Variants in RMND1 observed in about 807,000 individuals in gnomAD.
RMND1 encodes required for meiotic nuclear division protein 1 homolog.
A neutral mutation model predicts 54.0 loss-of-function variants in RMND1; 41 were observed. The observed-to-expected ratio is 0.76, with a 90% CI of 0.59 to 0.98. The LOEUF (loss-of-function observed/expected upper bound fraction) is 0.98, where lower values mean the gene tolerates loss of function less well. Ranked by LOEUF, RMND1 falls within the 50% of genes least tolerant of loss-of-function variation. The pLI is 0.00. For synonymous variants in RMND1, 183 were observed against 181.7 expected, an observed-to-expected ratio of 1.01 and a Z score of -0.06; for missense variants, 457 against 532.0, an observed-to-expected ratio of 0.86 and a Z score of 1.39.
chr6:151,433,656 A>C (rs1388482146), intron 3 of RMND1, among the ~76,000 whole-genome samples: 1 of 152,146 alleles, frequency 6.6e-6, no homozygotes, highest in Non-Finnish European at 1.5e-5. Flanking sequence ...TAATAATGCA[A>C]TTTTAACATT....
chr6:151,430,416 C>A (rs936771186), intron 4 of RMND1, among the ~76,000 whole-genome samples: 1 of 152,154 alleles, frequency 6.6e-6, no homozygotes, highest in African/African-American at 2.4e-5. Context: ...GTTTGCCAAA[C>A]AAATAGCCAT....
intron 11 of RMND1, 129 bp downstream of exon 11, chr6:151,405,591 G>T: frequency 1.6e-6 from 1 of 631,308 alleles, no homozygotes. Flanking sequence ...TCCAAATAGA[G>T]TTAGTAATGA....
In RMND1 at chr6:151,449,060, C is replaced by CAAAAAA. The variant is rs71014585; in HGVS notation, c.-15+2950_-15+2955dup. 2.0e-3 allele frequency among the ~76,000 whole-genome samples: 37 copies of CAAAAAA among 18,678 alleles called. 9 individuals are homozygous for CAAAAAA. The highest frequency in any genetic ancestry group is 7.7e-3 in the African/African-American group (31 of 4,020). 12.3% of individuals were successfully genotyped at this position (18,678 alleles called of 152,430 possible). A position where few individuals can be genotyped will look rare whatever the true frequency, so the allele number is the denominator to read the frequency against. ...TGAGCAACAAAGCGAGACTCTGTCT[C>CAAAAAA]AAAAAAAAAAAAAAAAAAAAAAAAA... On this transcript the variant is annotated intron_variant, in intron 1 of 11. Coordinates refer to ENST00000444024, the MANE Select transcript of RMND1 (RefSeq NM_017909.4).
intron 4 of RMND1, among the ~76,000 whole-genome samples, chr6:151,430,425 A>G (rs1780419309): frequency 6.6e-6 from 1 of 152,220 alleles, no homozygotes; most frequent in African/African-American, 2.4e-5. Context: ...ACAAATAGCC[A>G]TTATTGTAAT....
chr6:151,418,434 A>C (rs1396556506), intron 9 of RMND1: 1 of 151,912 alleles, frequency 6.6e-6, no homozygotes, highest in Non-Finnish European at 1.5e-5. Context: ...AAAATTTAAT[A>C]TGTCCACACT....
intron 6 of RMND1, among the ~76,000 whole-genome samples, chr6:151,425,464 A>T (rs985057633): frequency 3.9e-5 from 6 of 152,174 alleles, no homozygotes; most frequent in Non-Finnish European, 8.8e-5. Flanking sequence ...ACACACACAC[A>T]CACAAGGGTC....
Position 151,421,406 on chromosome 6 carries a change from T to C in RMND1, c.1003-85A>G, listed in dbSNP as rs4870017. 795,956 of 817,018 alleles carry C rather than the reference T, an allele frequency of 0.97. 387,808 individuals carry two copies. Among genetic ancestry groups the C allele is most frequent in the East Asian group, 1 (38,628 of 38,632 alleles). The allele number at this position is 817,018 out of a possible 1,614,324, so 50.6% of individuals were successfully genotyped here. ...TAGGTCAACAGGGCAAAATCTGAAG[T>C]GGCATAATTTGGATCCTATGTAAAT... On this transcript the variant is annotated intron_variant, in intron 8 of 11. Coordinates refer to ENST00000444024, the MANE Select transcript of RMND1 (RefSeq NM_017909.4).
chr6:151,449,060 C>CAAA (rs71014585), intron 1 of RMND1, among the ~76,000 whole-genome samples: 729 of 18,666 alleles, frequency 0.039, 150 homozygotes, highest in African/African-American at 0.045. Flanking sequence ...GACTCTGTCT[C>CAAA]AAAAAAAAAA....
chr6:151,409,283 T>C (rs1464372625), intron 10 of RMND1, among the ~76,000 whole-genome samples: 3 of 152,192 alleles, frequency 2.0e-5, no homozygotes, highest in Non-Finnish European at 4.4e-5. Context: ...TCATACAGGC[T>C]TTCAATAAAT....
intron 1 of RMND1, among the ~76,000 whole-genome samples, chr6:151,450,123 G>A (rs1178758210): frequency 6.6e-6 from 1 of 151,782 alleles, no homozygotes; most frequent in Non-Finnish European, 1.5e-5. Flanking sequence ...TGGAAAGTGA[G>A]GAGCGTCTCT....
intron 9 of RMND1, 107 bp downstream of exon 9, chr6:151,421,138 A>G (rs986524644): frequency 1.3e-6 from 1 of 778,426 alleles, no homozygotes; most frequent in Non-Finnish European, 2.1e-6. Flanking sequence ...AAACAGCTAC[A>G]GTTCCCATAA....
chr6:151,420,966 T>C (rs1335227111), intron 9 of RMND1: 1 of 229,558 alleles, frequency 4.4e-6, no homozygotes, highest in Non-Finnish European at 8.5e-6. Context: ...GGAATATGTC[T>C]TTCTACCTTC....
intron 1 of RMND1, among the ~76,000 whole-genome samples, chr6:151,448,896 G>A (rs571387723): frequency 3.2e-4 from 48 of 152,096 alleles, no homozygotes; most frequent in African/African-American, 1.0e-3. Flanking sequence ...GGCCAACACG[G>A]CGAAACCCCG....
At chr6:151,449,852 T>G (rs938512844) in intron 1 of RMND1, among the ~76,000 whole-genome samples, 1 of 152,234 alleles carries the variant, frequency 6.6e-6, no homozygotes, top group Admixed American at 6.5e-5. Context: ...GGTTTCGCTG[T>G]GTTGGCCGGG....
chr6:151,449,146 T>C (rs1582974017), intron 1 of RMND1, among the ~76,000 whole-genome samples: 1 of 146,108 alleles, frequency 6.8e-6, no homozygotes, highest in African/African-American at 2.6e-5. Context: ...AGGCGGGTGA[T>C]TCACAAGGTC....
intron 10 of RMND1, among the ~76,000 whole-genome samples, chr6:151,415,709 C>T (rs890532337): frequency 6.7e-6 from 1 of 148,394 alleles, no homozygotes; most frequent in South Asian, 2.1e-4. Flanking sequence ...AGGAGAATGG[C>T]GTGAACCCGG....
At chr6:151,423,309 G>A (rs1780206027) in intron 7 of RMND1, among the ~76,000 whole-genome samples, 2 of 152,010 alleles carry the variant, frequency 1.3e-5, no homozygotes, top group South Asian at 4.1e-4. Flanking sequence ...CTTTTGGAGA[G>A]GTTAAGCTTT....
At chr6:151,428,225 A>G (rs1462973250) in intron 5 of RMND1, among the ~76,000 whole-genome samples, 3 of 152,188 alleles carry the variant, frequency 2.0e-5, no homozygotes, top group Admixed American at 1.3e-4. Flanking sequence ...CTGAAATCCT[A>G]ATCCCCAGAG....
intron 4 of RMND1, among the ~76,000 whole-genome samples, chr6:151,431,319 G>C (rs1780441983): frequency 6.6e-6 from 1 of 152,138 alleles, no homozygotes; most frequent in Admixed American, 6.6e-5. Flanking sequence ...TGCAGTGATA[G>C]AGAATTTGTT....
Sources: allele counts gnomAD v4.1 joint callset (sites outside exome capture counted in the v4.1 genomes callset), GRCh38; gene constraint gnomAD v4.1.1; transcripts MANE v1.5; gene names NCBI Gene and HGNC (gene_info 2026-07-23, HGNC 2026-07-21).